HERC3: variants seen among roughly 807,000 people sequenced by gnomAD.
The protein encoded by HERC3 is HECT and RLD domain containing E3 ubiquitin protein ligase 3.
HERC3 carries 58 observed loss-of-function variants against 129.9 expected under a neutral mutation model. The ratio of observed to expected loss-of-function variants is 0.45; its 90% CI spans 0.36 to 0.56. The LOEUF (loss-of-function observed/expected upper bound fraction) is 0.56, where lower values mean the gene tolerates loss of function less well. HERC3 is among the 20% of genes least tolerant of loss of function. The pLI is 0.00. For synonymous variants in HERC3, 430 were observed against 451.0 expected (o/e 0.95, Z 0.59); for missense variants, 835 against 1,244.2 (o/e 0.67, Z 4.95).
intron 3 of HERC3, among the ~76,000 whole-genome samples, chr4:88,609,373 CTG>C (rs1253798156): frequency 1.3e-5 from 2 of 152,270 alleles, no homozygotes; most frequent in East Asian, 3.9e-4. Flanking sequence ...GTAGAGTAAT[CTG>C]TGTAAATATT....
chr4:88,538,056 CTTTG>C, the HERC3 span, among the ~76,000 whole-genome samples: 7 of 152,202 alleles, frequency 4.6e-5, no homozygotes, highest in Non-Finnish European at 1.5e-5. Flanking sequence ...CTCTCAGCCT[CTTTG>C]TTTGACCCAC....
the HERC3 span, among the ~76,000 whole-genome samples, chr4:88,573,950 T>C: frequency 6.6e-6 from 1 of 152,206 alleles, no homozygotes; most frequent in Non-Finnish European, 1.5e-5. Context: ...TGATCCTTCC[T>C]AATTGAAAGT....
At chr4:88,697,684 T>A in intron 23 of HERC3, 1 of 1,611,100 alleles carries the variant, frequency 6.2e-7, no homozygotes, top group Non-Finnish European at 8.5e-7. Flanking sequence ...CATTACCTCC[T>A]CTGCCGCTGC....
At chr4:88,658,566 C>A in intron 10 of HERC3, 75 bp downstream of exon 10, 1 of 748,990 alleles carries the variant, frequency 1.3e-6, no homozygotes, top group Non-Finnish European at 2.3e-6. Flanking sequence ...CAAGTAATTA[C>A]AACATAAAGA....
chr4:88,539,071 G>A, the HERC3 span, among the ~76,000 whole-genome samples: 1 of 152,140 alleles, frequency 6.6e-6, no homozygotes, highest in Non-Finnish European at 1.5e-5. Context: ...GGACTGGTTG[G>A]GCAGTGGGTG....
rs914310331 is a variant in HERC3, at chr4:88,658,173, A to G, written c.1070-242A>G. 5 of 322,156 alleles carry G rather than the reference A, an allele frequency of 1.6e-5. No individual in the cohort carries two copies. The South Asian group carries it at 5.6e-4, about 36-fold the overall frequency. 20.0% of individuals were successfully genotyped at this position (322,156 alleles called of 1,614,324 possible). ...AAAAAGAGAAACTAGGTCAGGATTC[A>G]CTGGCAGTTGGGGAGGGGCAGAAGA... On this transcript the variant is annotated intron_variant, in intron 9 of 25. Coordinates refer to ENST00000402738, the MANE Select transcript of HERC3 (RefSeq NM_014606.3).
chr4:88,600,039 T>C (rs1039155780), intron 2 of HERC3, among the ~76,000 whole-genome samples: 5 of 152,196 alleles, frequency 3.3e-5, no homozygotes, highest in South Asian at 2.1e-4. Flanking sequence ...AAATTAGAGA[T>C]AATGGCAGTA....
At chr4:88,660,602 C>T (rs1414789580) in intron 10 of HERC3, among the ~76,000 whole-genome samples, 1 of 152,188 alleles carries the variant, frequency 6.6e-6, no homozygotes, top group Non-Finnish European at 1.5e-5. Flanking sequence ...CCCTTTGCTA[C>T]ACTGATTCTA....
At position 88,708,086 on chromosome 4, in the gene HERC3, C is replaced by T. The variant is rs999681490; in HGVS notation, c.*1126C>T. 6.6e-6 allele frequency: 1 copy of T among 152,244 alleles called. No individual in the cohort carries two copies. Among genetic ancestry groups the T allele is most frequent in the African/African-American group, 2.4e-5 (1 of 41,288 alleles). The allele number at this position is 152,244 out of a possible 1,614,324, so 9.4% of individuals were successfully genotyped here. ...GATTTTTTTTCCTCTTCCCTAATTG[C>T]TAAGATTTAAGGACGTTCTTTATTA... On this transcript the variant is annotated 3_prime_UTR_variant, in exon 26 of 26. Coordinates refer to ENST00000402738, the MANE Select transcript of HERC3 (RefSeq NM_014606.3).
chr4:88,680,113 A>T lies in HERC3; in HGVS notation c.2217A>T (p.Glu739Asp). ...KPLKVIFDGEEAVDAGGVTKE... is the reference protein window; with the variant it reads ...KPLKVIFDGEDAVDAGGVTKE... The stretch of plus-strand genomic sequence containing the variant: ...TTAAGGTAATCTTTGATGGTGAAGA[A>T]GCAGTGGATGCCGGTGGTGTTACAA... The change falls in exon 20 of 26, where the codon GAA becomes GAT. Residue 739 changes from glutamate to aspartate, a missense_variant. By Grantham distance (45) the Glu-to-Asp change is conservative. Transcript: ENST00000402738. 1 of 1,612,532 alleles carries T rather than the reference A, an allele frequency of 6.2e-7. No homozygotes were observed. Among genetic ancestry groups the T allele is most frequent in the Non-Finnish European group, 8.5e-7 (1 of 1,179,462 alleles).
chr4:88,644,488 A>G (rs1231510757), intron 3 of HERC3, among the ~76,000 whole-genome samples: 1 of 152,214 alleles, frequency 6.6e-6, no homozygotes, highest in Non-Finnish European at 1.5e-5. Flanking sequence ...CATTATGAGT[A>G]AAACAATCCA....
At chr4:88,550,675 G>A in the HERC3 span, among the ~76,000 whole-genome samples, 344 of 151,278 alleles carry the variant, frequency 2.3e-3, 1 homozygote, top group African/African-American at 7.6e-3. Flanking sequence ...CTCATGGGTA[G>A]GAAGAATCAA....
the HERC3 span, among the ~76,000 whole-genome samples, chr4:88,582,083 C>T: frequency 4.6e-5 from 7 of 152,126 alleles, no homozygotes; most frequent in Admixed American, 3.9e-4. Context: ...TTAAGCATAG[C>T]CAAGTTCATT....
chr4:88,687,441 C>G (rs148387236), intron 23 of HERC3, 142 bp downstream of exon 23: 1 of 404,642 alleles, frequency 2.5e-6, no homozygotes, highest in African/African-American at 2.1e-5. Context: ...CAATAATTTA[C>G]AGATTTTAAA....
upstream of HERC3, among the ~76,000 whole-genome samples, chr4:88,589,838 T>C (rs1456258244): frequency 2.0e-5 from 3 of 152,244 alleles, no homozygotes; most frequent in Admixed American, 2.0e-4. Flanking sequence ...CTATGTAAGT[T>C]CTCAGGGTTT....
the HERC3 span, chr4:88,527,759 C>A: frequency 3.1e-6 from 1 of 321,430 alleles, no homozygotes; most frequent in Non-Finnish European, 6.1e-6. Flanking sequence ...CTGCTTATGT[C>A]CTTGTTCATT....
intron 23 of HERC3, chr4:88,695,787 A>G (rs149525023): frequency 3.4e-4 from 52 of 152,690 alleles, no homozygotes; most frequent in African/African-American, 1.2e-3. Flanking sequence ...GACTATTCCT[A>G]TTCCCTTTTG....
At chr4:88,588,092 A>G (rs1445560102), upstream of HERC3, among the ~76,000 whole-genome samples, 1 of 152,266 alleles carries the variant, frequency 6.6e-6, no homozygotes, top group Admixed American at 6.5e-5. Context: ...TATGAAAACA[A>G]TGAGTTTCTC....
the HERC3 span, among the ~76,000 whole-genome samples, chr4:88,582,905 C>T: frequency 4.6e-5 from 7 of 152,176 alleles, no homozygotes; most frequent in Non-Finnish European, 8.8e-5. Flanking sequence ...TCCCTCTCTC[C>T]TATGAAGAGG....
Sources: gnomAD v4.1 joint callset for allele counts (sites outside exome capture counted in the v4.1 genomes callset) on GRCh38, gnomAD v4.1.1 for gene constraint, MANE v1.5 for transcripts, NCBI Gene and HGNC (gene_info 2026-07-23, HGNC 2026-07-21) for gene names.